The following NPIPB2 variants were observed in gnomAD, a reference collection of about 807,000 sequenced individuals.
NPIPB2 encodes the protein nuclear pore complex interacting protein family member B2, also known as nuclear pore complex-interacting protein family member B2.
NPIPB2 carries 27 observed loss-of-function variants against 30.8 expected under a neutral mutation model. The ratio of observed to expected loss-of-function variants is 0.88; its 90% CI spans 0.65 to 1.21. The LOEUF (loss-of-function observed/expected upper bound fraction) is 1.21, where lower values mean the gene tolerates loss of function less well. Ranked by LOEUF, NPIPB2 falls within the 50% of genes most tolerant of loss-of-function variation. The pLI, the probability that NPIPB2 is intolerant of heterozygous loss-of-function variation, is 0.00. For synonymous variants in NPIPB2, 147 were observed against 162.0 expected, an observed-to-expected ratio of 0.91 and a Z score of 0.70; for missense variants, 440 against 446.2, an observed-to-expected ratio of 0.99 and a Z score of 0.13.
rs1400125589 is a variant in NPIPB2 at position 11,932,636 on chromosome 16, C to A, written c.488+881G>T. ...ACTAAAAATACAAAAATTATCCGGG[C>A]ATGGTGGCATATGCCTGTAGTCCCA... On this transcript the variant is annotated intron_variant, in intron 4 of 7. Coordinates refer to ENST00000399147, the Ensembl canonical transcript of NPIPB2. 4.2e-4 allele frequency among the ~76,000 whole-genome samples: 59 copies of A among 138,884 alleles called. No individual in the cohort carries two copies. The East Asian group carries it at 0.01, about 25-fold the overall frequency. 91.1% of individuals were successfully genotyped at this position (138,884 alleles called of 152,430 possible).
rs184338581 is a variant in NPIPB2, at chr16:11,974,668, A to G, written c.-584+1900T>C. Among the ~76,000 whole-genome samples the G allele has an allele frequency of 5.6e-4, 86 of 152,326 alleles. 1 individual carries two copies. In the East Asian group the frequency reaches 0.015, roughly 26 times the overall value. On this transcript the variant is annotated intron_variant, in intron 1 of 5. Transcript: ENST00000538896. ...TCCTTAAGTGTATGCTTATGTGTACAAGGTTATGATATAAAATACATTTCT... is the reference window on the plus strand; with the variant it reads ...TCCTTAAGTGTATGCTTATGTGTACGAGGTTATGATATAAAATACATTTCT...
At chr16:11,936,397 G>A (rs911863533) in intron 2 of NPIPB2, among the ~76,000 whole-genome samples, 4 of 149,460 alleles carry the variant, frequency 2.7e-5, no homozygotes, top group Non-Finnish European at 6.0e-5. Context: ...AATGTTAAAT[G>A]TGCCTAGATA....
intron 1 of NPIPB2, among the ~76,000 whole-genome samples, chr16:11,951,645 CACACACACACACACACACA>C (rs1413900357): frequency 6.9e-6 from 1 of 144,302 alleles, no homozygotes; most frequent in Non-Finnish European, 1.5e-5. Context: ...CACACACACA[CACACACACACACACACACA>C]CACCCAGCCC....
chr16:11,958,454 G>C (rs1015119987), intron 1 of NPIPB2, among the ~76,000 whole-genome samples: 2 of 151,822 alleles, frequency 1.3e-5, no homozygotes, highest in Non-Finnish European at 2.9e-5. Context: ...CCTAGGCCAG[G>C]CATGGTGGCT....
At chr16:11,968,474 C>T (rs1462912041) in intron 1 of NPIPB2, 1 of 152,186 alleles carries the variant, frequency 6.6e-6, no homozygotes, top group Non-Finnish European at 1.5e-5. Flanking sequence ...GAGACTCCGT[C>T]TCAAAACAAA....
At chr16:11,968,469 TCC>T (rs1453995199) in intron 1 of NPIPB2, 2 of 152,206 alleles carry the variant, frequency 1.3e-5, no homozygotes, top group Admixed American at 1.3e-4. Context: ...AGGGTGAGAC[TCC>T]GTCTCAAAAC....
At chr16:11,927,625 G>T (rs1195661373) in exon 8 of NPIPB2, 1 of 1,606,116 alleles carries the variant, frequency 6.2e-7, no homozygotes, top group Non-Finnish European at 8.5e-7. Flanking sequence ...CATCCGCTGA[G>T]GGTGGAGCTG....
At chr16:11,954,485 A>G (rs994314354) in intron 1 of NPIPB2, among the ~76,000 whole-genome samples, 1 of 151,806 alleles carries the variant, frequency 6.6e-6, no homozygotes. Flanking sequence ...CTTTAAAAAA[A>G]AAAAAAAGAA....
chr16:11,972,981 A>AG (rs2055245011), intron 1 of NPIPB2, among the ~76,000 whole-genome samples: 1 of 151,776 alleles, frequency 6.6e-6, no homozygotes, highest in Non-Finnish European at 1.5e-5. Flanking sequence ...GTCAACACGG[A>AG]GAAATCCTAA....
intron 1 of NPIPB2, among the ~76,000 whole-genome samples, chr16:11,970,274 G>A (rs1157369952): frequency 6.6e-6 from 1 of 152,088 alleles, no homozygotes; most frequent in Non-Finnish European, 1.5e-5. Flanking sequence ...ATGCAGTTGT[G>A]CTATCTGAGC....
chr16:11,950,101 T>A (rs553587496), intron 1 of NPIPB2, among the ~76,000 whole-genome samples: 2 of 152,194 alleles, frequency 1.3e-5, no homozygotes, highest in African/African-American at 4.8e-5. Flanking sequence ...AGTGGCATGA[T>A]CTTGGCTCAT....
chr16:11,967,403 T>G (rs2055203231), intron 1 of NPIPB2, among the ~76,000 whole-genome samples: 1 of 152,170 alleles, frequency 6.6e-6, no homozygotes, highest in South Asian at 2.1e-4. Flanking sequence ...GAGGATTGCT[T>G]GAGCCCAGGA....
chr16:11,945,489 G>C (rs8059525), upstream of NPIPB2, among the ~76,000 whole-genome samples: 1 of 151,744 alleles, frequency 6.6e-6, no homozygotes, highest in Non-Finnish European at 1.5e-5. Flanking sequence ...GGCTGACCAC[G>C]AAGGTAAAAC....
At chr16:11,956,050 T>A (rs2055109687) in intron 1 of NPIPB2, 1 of 152,178 alleles carries the variant, frequency 6.6e-6, no homozygotes, top group African/African-American at 2.4e-5. Context: ...GGCAGGAAAT[T>A]GCCGCCAGTC....
chr16:11,967,603 T>G, intron 1 of NPIPB2: 1 of 1,613,908 alleles, frequency 6.2e-7, no homozygotes, highest in South Asian at 1.1e-5. Flanking sequence ...AACATTGACC[T>G]GGAAAAGAGC....
At chr16:11,934,398 A>C (rs2054836994) in intron 2 of NPIPB2, among the ~76,000 whole-genome samples, 1 of 151,388 alleles carries the variant, frequency 6.6e-6, no homozygotes, top group Non-Finnish European at 1.5e-5. Context: ...TGCTAAAAAT[A>C]CAAAATTAGC....
chr16:11,962,027 T>G (rs2055156182), intron 1 of NPIPB2, among the ~76,000 whole-genome samples: 2 of 151,390 alleles, frequency 1.3e-5, no homozygotes, highest in East Asian at 3.9e-4. Context: ...TGATGAAATC[T>G]CATCTCTACA....
At chr16:11,954,678 C>T (rs934911738) in intron 1 of NPIPB2, among the ~76,000 whole-genome samples, 2 of 151,616 alleles carry the variant, frequency 1.3e-5, no homozygotes, top group Non-Finnish European at 2.9e-5. Flanking sequence ...GAGGCCGAGG[C>T]GGTAGGATCA....
intron 1 of NPIPB2, among the ~76,000 whole-genome samples, chr16:11,953,526 A>G (rs376047622): frequency 2.0e-4 from 31 of 151,690 alleles, no homozygotes; most frequent in East Asian, 1.9e-3. Context: ...AACTTTTTGT[A>G]TTTTTAATAG....
Sources: gnomAD v4.1 joint callset for allele counts (sites outside exome capture counted in the v4.1 genomes callset) on GRCh38, gnomAD v4.1.1 for gene constraint, MANE v1.5 for transcripts, NCBI Gene and HGNC (gene_info 2026-07-23, HGNC 2026-07-21) for gene names.